CYP4F12: variants seen among roughly 807,000 people sequenced by gnomAD.
CYP4F12 encodes the protein cytochrome P450 family 4 subfamily F member 12, also known as cytochrome P450 4F12.
CYP4F12 carries 60 observed loss-of-function variants against 56.5 expected under a neutral mutation model. That is an observed-to-expected ratio of 1.06 (90% CI 0.86 to 1.32). The LOEUF (loss-of-function observed/expected upper bound fraction) is 1.32, where lower values mean the gene tolerates loss of function less well. Among genes scored for constraint, CYP4F12 ranks in the 40% most tolerant of loss-of-function variants. CYP4F12 has a pLI of 0.00. For synonymous variants in CYP4F12, 263 were observed against 264.9 expected (o/e 0.99, Z 0.07); for missense variants, 711 against 683.5 (o/e 1.04, Z -0.45).
intron 9 of CYP4F12, among the ~76,000 whole-genome samples, chr19:15,691,305 T>A (rs1481116464): frequency 6.6e-6 from 1 of 152,244 alleles, no homozygotes; most frequent in African/African-American, 2.4e-5. Context: ...GCAATCGGCA[T>A]GTGTGTACAG....
intron 9 of CYP4F12, among the ~76,000 whole-genome samples, chr19:15,691,045 T>C (rs1473121174): frequency 6.6e-6 from 1 of 152,230 alleles, no homozygotes. Flanking sequence ...GCATTCCATG[T>C]TTTATTTGGC....
In CYP4F12 at chr19:15,678,644, C is replaced by G; in HGVS notation, c.343+239C>G. The G allele has an allele frequency of 8.1e-6, 4 of 496,732 alleles. 1 individual carries two copies. In the South Asian group the frequency reaches 1.1e-4, roughly 14 times the overall value. The allele number at this position is 496,732 out of a possible 1,614,324, so 30.8% of individuals were successfully genotyped here. A position where few individuals can be genotyped will look rare whatever the true frequency, so the allele number is the denominator to read the frequency against. On this transcript the variant is annotated intron_variant, in intron 3 of 12. Coordinates refer to ENST00000550308, the MANE Select transcript of CYP4F12 (RefSeq NM_023944.4). ...CCATGCTTAAGGACACGGGTCTAGA[C>G]AGAGACATTTCCAGCCTCATAGGGT...
Position 15,683,576 on chromosome 19 carries a change from ACTTTCTGTATTAC to A in CYP4F12, c.734_746del (p.Phe245SerfsTer56). ...AGCCAGCATATCCTCCAGCACATGGACTTTCTGTATTACCTCTCCCATGACGGGCGGCGCTTCC... is the reference window on the plus strand; with the variant it reads ...AGCCAGCATATCCTCCAGCACATGGACTCTCCCATGACGGGCGGCGCTTCC... On this transcript the variant is annotated frameshift_variant, in exon 7 of 13. Coordinates refer to ENST00000550308, the MANE Select transcript of CYP4F12 (RefSeq NM_023944.4). LOFTEE classifies it high-confidence loss of function. 1 of 1,614,108 alleles carries A rather than the reference ACTTTCTGTATTAC, an allele frequency of 6.2e-7. No individual in the cohort carries two copies. Among genetic ancestry groups the A allele is most frequent in the Non-Finnish European group, 8.5e-7 (1 of 1,180,004 alleles).
Position 15,685,065 on chromosome 19 carries a change from C to T in CYP4F12, c.986-3C>T. 1.2e-6 allele frequency: 2 copies of T among 1,612,654 alleles called. No individual in the cohort carries two copies. Among genetic ancestry groups the T allele is most frequent in the Non-Finnish European group, 1.7e-6 (2 of 1,179,180 alleles). On this transcript the variant is annotated splice_polypyrimidine_tract_variant and splice_region_variant and intron_variant, in intron 8 of 12. Transcript: ENST00000550308. ...AAGCCAAGCTTACCTGGCTGCTCCT[C>T]AGGCCATGACACCACGGCCAGTGGC...
chr19:15,693,038 A>G (rs986406655), intron 9 of CYP4F12, among the ~76,000 whole-genome samples: 3 of 152,200 alleles, frequency 2.0e-5, no homozygotes, highest in Admixed American at 1.3e-4. Flanking sequence ...AGATTGTGTC[A>G]CTGCACTCCA....
intron 2 of CYP4F12, among the ~76,000 whole-genome samples, chr19:15,677,461 TACC>T (rs2007015251): frequency 4.0e-5 from 1 of 25,018 alleles, no homozygotes; most frequent in Admixed American, 6.1e-4. Context: ...CTCATTCCTC[TACC>T]CACTCACTCA....
Position 15,677,702 on chromosome 19 carries a change from T to TCAC in CYP4F12, c.199-559_199-558insCAC, listed in dbSNP as rs1395000790. On this transcript the variant is annotated intron_variant, in intron 2 of 12. Transcript: ENST00000550308. ...CTCACTCATTCCTCTCCTCCCTCAC[T>TCAC]TATTCCTCTACCCACACACTCATTC... Among the ~76,000 whole-genome samples, 2 of 107,562 alleles carry TCAC rather than the reference T, an allele frequency of 1.9e-5. 1 individual carries two copies. The highest frequency in any genetic ancestry group is 4.0e-5 in the Non-Finnish European group (2 of 50,360). 70.6% of individuals were successfully genotyped at this position (107,562 alleles called of 152,430 possible).
At chr19:15,682,149 A>G (rs1416490215) in intron 5 of CYP4F12, 3 of 400,622 alleles carry the variant, frequency 7.5e-6, no homozygotes, top group Non-Finnish European at 9.3e-6. Flanking sequence ...CCAAGGGCAC[A>G]TAGAGCATAG....
intron 9 of CYP4F12, among the ~76,000 whole-genome samples, chr19:15,693,463 G>GT (rs1454632199): frequency 6.6e-6 from 1 of 152,084 alleles, no homozygotes; most frequent in African/African-American, 2.4e-5. Context: ...CCTGACTCTC[G>GT]TGTTTTTTTG....
intron 2 of CYP4F12, among the ~76,000 whole-genome samples, chr19:15,675,637 C>A (rs115168490): frequency 6.6e-6 from 1 of 152,320 alleles, no homozygotes; most frequent in Admixed American, 6.5e-5. Flanking sequence ...AGCTTGTCTT[C>A]TCTCTCTGCT....
chr19:15,694,431 A>G (rs2008026166), intron 9 of CYP4F12, among the ~76,000 whole-genome samples: 1 of 151,782 alleles, frequency 6.6e-6, no homozygotes, highest in South Asian at 2.1e-4. Flanking sequence ...ATTCCTAGGT[A>G]TTTTCTTCTC....
rs2007234871 is a variant in CYP4F12 at position 15,680,497 on chromosome 19, A to G, written c.503A>G (p.Asn168Ser). ...CTGAAGTCCTATATAACGATCTTCA[A>G]CAAGAGTGCAAACATCATGCTTGTG... ...NILKSYITIFNKSANIMLDKW... is the reference protein window; with the variant it reads ...NILKSYITIFSKSANIMLDKW... Residue 168 changes from asparagine to serine, a missense_variant, in exon 5 of 13, where the codon AAC becomes AGC. Coordinates refer to ENST00000550308, the MANE Select transcript of CYP4F12 (RefSeq NM_023944.4). 1 of 1,614,088 alleles carries G rather than the reference A, an allele frequency of 6.2e-7. No individual in the cohort carries two copies. The highest frequency in any genetic ancestry group is 1.1e-5 in the South Asian group (1 of 91,084).
Position 15,692,917 on chromosome 19 carries a change from T to TAA in CYP4F12, c.1116-3009_1116-3008dup, listed in dbSNP as rs10719216. 5.3e-4 allele frequency among the ~76,000 whole-genome samples: 79 copies of TAA among 149,970 alleles called. No homozygotes were observed. The East Asian group carries it at 7.7e-3, about 15-fold the overall frequency. On this transcript the variant is annotated intron_variant, in intron 9 of 12. Coordinates refer to ENST00000550308, the MANE Select transcript of CYP4F12 (RefSeq NM_023944.4). ...GGGGAAACTCCATCTCTACTAAAAATAAAAAAAAAAATTAGCTGGCTGTTG... is the reference window on the plus strand; with the variant it reads ...GGGGAAACTCCATCTCTACTAAAAATAAAAAAAAAAAAATTAGCTGGCTGTTG...
chr19:15,697,053 C>T lies in CYP4F12; in HGVS notation c.1543C>T (p.Arg515Trp), dbSNP rs1045250790. The change falls in exon 13 of 13, where the codon CGG (arginine) becomes TGG (tryptophan). Residue 515 changes from arginine (R) to tryptophan (W), a missense_variant. Coordinates refer to ENST00000550308, the MANE Select transcript of CYP4F12 (RefSeq NM_023944.4). ...GCGCGCCGAGGGCGGGCTTTGGCTG[C>T]GGGTGGAGCCCCTGAATGTAAGCTT... ...IMRAEGGLWLRVEPLNVSLQ is the reference protein window; with the variant it reads ...IMRAEGGLWLWVEPLNVSLQ The T allele has an allele frequency of 4.3e-6, 7 of 1,613,878 alleles. No individual in the cohort carries two copies. The highest frequency in any genetic ancestry group is 2.7e-5 in the African/African-American group (2 of 75,066).
intron 5 of CYP4F12, chr19:15,681,736 A>G (rs11085969): frequency 0.83 from 126,289 of 152,276 alleles, 52,479 homozygotes; most frequent in East Asian, 0.91. Flanking sequence ...AGAACATCAC[A>G]GTCTTGCATT....
intron 5 of CYP4F12, chr19:15,681,907 TG>T (rs1313352932): frequency 6.5e-6 from 1 of 153,756 alleles, no homozygotes; most frequent in East Asian, 1.9e-4. Context: ...GGATATAAGT[TG>T]TCTAAGTTAA....
Position 15,696,195 on chromosome 19 carries a change from T to A in CYP4F12, c.1284T>A (p.His428Gln). 5.0e-6 allele frequency: 8 copies of A among 1,614,110 alleles called. No individual in the cohort carries two copies. Among genetic ancestry groups the A allele is most frequent in the Non-Finnish European group, 6.8e-6 (8 of 1,179,996 alleles). ...ITCLIDIIGV[H>Q]HNPTVWPDPE... ...GCCTCATCGATATTATAGGGGTCCA[T>A]CACAACCCAACTGTGTGGCCGGATC... The change falls in exon 11 of 13, where the codon CAT (histidine) becomes CAA (glutamine). Residue 428 changes from histidine to glutamine, a missense_variant. By Grantham distance (24) the His-to-Gln change is conservative (BLOSUM62 0). Transcript: ENST00000550308.
At chr19:15,675,766 A>G (rs2006889249) in intron 2 of CYP4F12, among the ~76,000 whole-genome samples, 2 of 152,154 alleles carry the variant, frequency 1.3e-5, no homozygotes, top group Non-Finnish European at 2.9e-5. Flanking sequence ...GCTGCACCAC[A>G]TCCGGTGGCT....
At position 15,689,423 on chromosome 19, in the gene CYP4F12, T is replaced by C. The variant is rs7253818; in HGVS notation, c.1115+4226T>C. On this transcript the variant is annotated intron_variant, in intron 9 of 12. Coordinates refer to ENST00000550308, the MANE Select transcript of CYP4F12 (RefSeq NM_023944.4). ...AACCACAATGAGATACCATCTTGTT[T>C]CTACAAGAATGGCCATAATTAAAAA... Among the ~76,000 whole-genome samples, 1,355 of 152,232 alleles carry C rather than the reference T, an allele frequency of 8.9e-3. 14 individuals are homozygous for C. The highest frequency in any genetic ancestry group is 0.031 in the African/African-American group (1,290 of 41,530).
Sources: gnomAD v4.1 joint callset for allele counts (sites outside exome capture counted in the v4.1 genomes callset) on GRCh38, gnomAD v4.1.1 for gene constraint, MANE v1.5 for transcripts, NCBI Gene and HGNC (gene_info 2026-07-23, HGNC 2026-07-21) for gene names.